CELF2: variants seen among roughly 807,000 people sequenced by gnomAD.
The protein encoded by CELF2 is CUGBP Elav-like family member 2.
CELF2 carries 8 observed loss-of-function variants against 62.6 expected under a neutral mutation model. The ratio of observed to expected loss-of-function variants is 0.13; its 90% CI spans 0.07 to 0.23. CELF2 has a LOEUF of 0.23. CELF2 is among the 10% of genes least tolerant of loss of function. CELF2 has a pLI of 1.00. For missense variants in CELF2, 333 were observed against 671.0 expected (o/e 0.50, Z 5.56); for synonymous variants, 258 against 250.0 (o/e 1.03, Z -0.30).
chr10:10,492,300 C>A, the CELF2 span, among the ~76,000 whole-genome samples: 1 of 152,248 alleles, frequency 6.6e-6, no homozygotes, highest in Non-Finnish European at 1.5e-5. Context: ...GAAATGAGTT[C>A]TCTAAACCAA....
the CELF2 span, among the ~76,000 whole-genome samples, chr10:10,500,946 G>C: frequency 3.9e-5 from 6 of 152,180 alleles, no homozygotes; most frequent in Admixed American, 3.9e-4. Context: ...GTTGTAGTGT[G>C]TATCAGTAGT....
At chr10:11,322,373 G>T (rs4747901) in intron 11 of CELF2, among the ~76,000 whole-genome samples, 92,415 of 152,100 alleles carry the variant, frequency 0.61, 29,567 homozygotes, top group Non-Finnish European at 0.72. Flanking sequence ...AAGAATAAAT[G>T]AAAGCTAATT....
At chr10:10,579,396 G>C in the CELF2 span, among the ~76,000 whole-genome samples, 3 of 152,144 alleles carry the variant, frequency 2.0e-5, no homozygotes, top group African/African-American at 7.2e-5. Context: ...GTGATAAATA[G>C]GAACTGGATG....
At chr10:11,160,619 G>T (rs917572146) in intron 1 of CELF2, among the ~76,000 whole-genome samples, 10 of 138,452 alleles carry the variant, frequency 7.2e-5, no homozygotes, top group Non-Finnish European at 1.4e-4. Flanking sequence ...GGGTTGGGTA[G>T]CACTGACGTG....
intron 1 of CELF2, among the ~76,000 whole-genome samples, chr10:11,007,811 G>A (rs568042670): frequency 2.8e-4 from 42 of 152,190 alleles, no homozygotes; most frequent in Non-Finnish European, 4.6e-4. Flanking sequence ...CTGCTTGTCC[G>A]TGGCCCGCTT....
intron 1 of CELF2, among the ~76,000 whole-genome samples, chr10:11,164,795 G>C (rs915735828): frequency 6.6e-6 from 1 of 151,972 alleles, no homozygotes; most frequent in Non-Finnish European, 1.5e-5. Flanking sequence ...CCCAGCTCCG[G>C]CCTTTTTCTC....
chr10:11,193,313 A>G (rs1283513423), intron 2 of CELF2, among the ~76,000 whole-genome samples: 1 of 152,182 alleles, frequency 6.6e-6, no homozygotes, highest in Non-Finnish European at 1.5e-5. Context: ...TAACCAGCTC[A>G]CCCATCAATA....
intron 1 of CELF2, among the ~76,000 whole-genome samples, chr10:10,908,603 A>T (rs2063545885): frequency 6.6e-6 from 1 of 152,176 alleles, no homozygotes; most frequent in Admixed American, 6.5e-5. Flanking sequence ...GAAGCATTTT[A>T]TTATGTGTTT....
At chr10:10,926,987 T>C (rs2065538229) in intron 2 of CELF2, 1 of 152,148 alleles carries the variant, frequency 6.6e-6, no homozygotes, top group African/African-American at 2.4e-5. Context: ...TTCCCTCCTC[T>C]CTTGCTGGCC....
intron 1 of CELF2, among the ~76,000 whole-genome samples, chr10:10,860,396 C>T (rs775943376): frequency 2.6e-5 from 4 of 152,182 alleles, no homozygotes; most frequent in Non-Finnish European, 5.9e-5. Context: ...CTCAGGCCAC[C>T]TGTGGGTCAA....
chr10:10,638,741 G>C, the CELF2 span, among the ~76,000 whole-genome samples: 1 of 152,178 alleles, frequency 6.6e-6, no homozygotes, highest in East Asian at 1.9e-4. Context: ...GGCAATAACT[G>C]TTGGCAAAGG....
chr10:10,483,950 A>ATC, the CELF2 span, among the ~76,000 whole-genome samples: 1 of 89,206 alleles, frequency 1.1e-5, no homozygotes, highest in Non-Finnish European at 2.3e-5. Context: ...TCTCTCTCTC[A>ATC]TCTCTCTCTC....
chr10:11,213,122 C>T (rs930578899), intron 2 of CELF2, among the ~76,000 whole-genome samples: 1 of 152,194 alleles, frequency 6.6e-6, no homozygotes, highest in African/African-American at 2.4e-5. Context: ...CCTCTCACTC[C>T]ACTCCATGGA....
the CELF2 span, among the ~76,000 whole-genome samples, chr10:10,522,769 C>T: frequency 6.6e-6 from 1 of 152,128 alleles, no homozygotes; most frequent in Admixed American, 6.5e-5. Flanking sequence ...GGGGTTTCAT[C>T]ATATTGCTCA....
rs529710612 is a variant in CELF2 at position 10,813,760 on chromosome 10, T to A, written c.53+14943T>A. 2.6e-5 allele frequency among the ~76,000 whole-genome samples: 4 copies of A among 152,312 alleles called. No homozygotes were observed. The East Asian group carries it at 7.7e-4, about 29-fold the overall frequency. The stretch of plus-strand genomic sequence containing the variant: ...GCTGTATTCCAATAAAACTTACAGT[T>A]TTACAAAAACAGGTGTTGGGCTGGA... On this transcript the variant is annotated intron_variant, in intron 1 of 13. Coordinates refer to the CELF2 transcript ENST00000636488.
intron 1 of CELF2, among the ~76,000 whole-genome samples, chr10:11,019,362 A>G (rs2057917652): frequency 6.6e-6 from 1 of 152,220 alleles, no homozygotes; most frequent in South Asian, 2.1e-4. Context: ...GAGTGCGTGT[A>G]AAATGTTTCC....
In CELF2 at chr10:11,178,011, G is replaced by A. The variant is rs565096167; in HGVS notation, c.271+12329G>A. ...CGTGACTGCCTGGTAGGATAAAGGA[G>A]ACGACATCTGAAAAGAGGGTTTCAG... On this transcript the variant is annotated intron_variant, in intron 2 of 12. Coordinates refer to ENST00000633077, the MANE Select transcript of CELF2 (RefSeq NM_001326342.2). This position sits in a 1 kb window ranked among gnomAD's most constrained non-coding sequence, Gnocchi z 4.3. Among the ~76,000 whole-genome samples, 6 of 152,308 alleles carry A rather than the reference G, an allele frequency of 3.9e-5. No homozygotes were observed. In the East Asian group the frequency reaches 1.2e-3, roughly 29 times the overall value.
At chr10:10,964,556 A>G (rs1267054352) in intron 2 of CELF2, among the ~76,000 whole-genome samples, 1 of 152,218 alleles carries the variant, frequency 6.6e-6, no homozygotes, top group Non-Finnish European at 1.5e-5. Context: ...CACCTTTCAA[A>G]GGGATTTTAT....
At chr10:10,831,725 A>G (rs542658544) in intron 1 of CELF2, among the ~76,000 whole-genome samples, 1 of 152,226 alleles carries the variant, frequency 6.6e-6, no homozygotes, top group Non-Finnish European at 1.5e-5. Flanking sequence ...TAAACCCAGC[A>G]CTTTGGGAGG....
Sources: allele counts gnomAD v4.1 joint callset (sites outside exome capture counted in the v4.1 genomes callset), GRCh38; gene constraint gnomAD v4.1.1; non-coding constraint Gnocchi (gnomAD v3.1); transcripts MANE v1.5; gene names NCBI Gene and HGNC (gene_info 2026-07-23, HGNC 2026-07-21).